The following FBXL7 variants were observed in gnomAD, a reference collection of about 807,000 sequenced individuals.
FBXL7 encodes F-box and leucine rich repeat protein 7.
FBXL7 carries 12 observed loss-of-function variants against 38.3 expected under a neutral mutation model. That is an observed-to-expected ratio of 0.31 (90% CI 0.20 to 0.51). The LOEUF (loss-of-function observed/expected upper bound fraction) is 0.51. Ranked by LOEUF, FBXL7 falls within the 20% of genes least tolerant of loss-of-function variation. FBXL7 has a pLI of 0.98. For synonymous variants in FBXL7, 297 were observed against 300.9 expected, an observed-to-expected ratio of 0.99 and a Z score of 0.13; for missense variants, 567 against 676.4, an observed-to-expected ratio of 0.84 and a Z score of 1.79.
At chr5:15,690,480 A>G (rs1342773412) in intron 2 of FBXL7, among the ~76,000 whole-genome samples, 1 of 152,218 alleles carries the variant, frequency 6.6e-6, no homozygotes, top group Non-Finnish European at 1.5e-5. Context: ...ACTTTGTATA[A>G]TGATCAAATC....
At chr5:15,529,111 C>T (rs1316416965) in intron 1 of FBXL7, among the ~76,000 whole-genome samples, 1 of 152,208 alleles carries the variant, frequency 6.6e-6, no homozygotes, top group Non-Finnish European at 1.5e-5. Flanking sequence ...CACCATTCTG[C>T]TCTCTACTTC....
intron 2 of FBXL7, among the ~76,000 whole-genome samples, chr5:15,777,834 C>G (rs1389616483): frequency 6.7e-6 from 1 of 149,280 alleles, no homozygotes; most frequent in Non-Finnish European, 1.5e-5. Flanking sequence ...TACATGTGAT[C>G]TAGGACAATA....
In FBXL7 at chr5:15,519,187, TAAA is replaced by T. The variant is rs915797662; in HGVS notation, c.37+18479_37+18481del. ...GGTGAAACCCTGTCTCTACTAAAAA[TAAA>T]AAAATTAGCTGGGTGTGGTGGCGTG... On this transcript the variant is annotated intron_variant, in intron 1 of 3. Transcript: ENST00000504595. Among the ~76,000 whole-genome samples, 3 of 151,758 alleles carry T rather than the reference TAAA, an allele frequency of 2.0e-5. No homozygotes were observed. The East Asian group carries it at 5.8e-4, about 30-fold the overall frequency.
At chr5:15,720,713 ACAT>A (rs1419214527) in intron 2 of FBXL7, among the ~76,000 whole-genome samples, 1 of 148,108 alleles carries the variant, frequency 6.8e-6, no homozygotes, top group Non-Finnish European at 1.5e-5. Flanking sequence ...TGTAACAATG[ACAT>A]CATCAGCTAC....
At chr5:15,658,172 C>G (rs368166008) in intron 2 of FBXL7, among the ~76,000 whole-genome samples, 2 of 152,280 alleles carry the variant, frequency 1.3e-5, no homozygotes, top group East Asian at 3.9e-4. Flanking sequence ...CAAGATGCAT[C>G]AGAGTAGGAA....
At chr5:15,679,465 A>G (rs1018038708) in intron 2 of FBXL7, among the ~76,000 whole-genome samples, 6 of 151,920 alleles carry the variant, frequency 3.9e-5, no homozygotes, top group Admixed American at 3.9e-4. Context: ...TGACTAAGTT[A>G]CATACCACAC....
At chr5:15,927,787 A>AAT in intron 2 of FBXL7, 103 bp from the exon 3 acceptor site, 2 of 751,930 alleles carry the variant, frequency 2.7e-6, no homozygotes, top group Non-Finnish European at 3.6e-6. Flanking sequence ...AAAAAAAAAA[A>AAT]GAAGAAGAAA....
chr5:15,518,840 T>C (rs982967037), intron 1 of FBXL7, among the ~76,000 whole-genome samples: 1 of 152,140 alleles, frequency 6.6e-6, no homozygotes, highest in African/African-American at 2.4e-5. Context: ...TTCATCTAAA[T>C]TGTTCATTCC....
At chr5:15,705,358 A>T (rs924318828) in intron 2 of FBXL7, among the ~76,000 whole-genome samples, 18 of 152,186 alleles carry the variant, frequency 1.2e-4, no homozygotes, top group African/African-American at 4.1e-4. Context: ...AGGGTAATCC[A>T]TACTCTCCTG....
At chr5:15,933,915 A>G (rs575943077) in intron 3 of FBXL7, among the ~76,000 whole-genome samples, 96 of 152,358 alleles carry the variant, frequency 6.3e-4, no homozygotes, top group African/African-American at 2.1e-3. Context: ...TGAAAAATAT[A>G]TATACAGCCT....
chr5:15,763,715 G>A (rs531211472), intron 2 of FBXL7, among the ~76,000 whole-genome samples: 1 of 152,244 alleles, frequency 6.6e-6, no homozygotes, highest in East Asian at 1.9e-4. Flanking sequence ...AACAAAATGC[G>A]TGATGTTCAA....
intron 2 of FBXL7, among the ~76,000 whole-genome samples, chr5:15,696,615 C>T (rs770164095): frequency 3.3e-5 from 5 of 152,292 alleles, no homozygotes; most frequent in African/African-American, 1.2e-4. Flanking sequence ...AAGTTTTCCT[C>T]ACTATTGGAG....
At chr5:15,892,191 TCCAACCAGAGGGTAGG>T (rs1441599194) in intron 2 of FBXL7, among the ~76,000 whole-genome samples, 1 of 152,010 alleles carries the variant, frequency 6.6e-6, no homozygotes, top group African/African-American at 2.4e-5. Flanking sequence ...AAGACAACAC[TCCAACCAGAGGGTAGG>T]TCCTGAGGGA....
intron 2 of FBXL7, among the ~76,000 whole-genome samples, chr5:15,872,127 A>G (rs1292398471): frequency 4.6e-5 from 7 of 152,222 alleles, no homozygotes; most frequent in Non-Finnish European, 1.0e-4. Flanking sequence ...AGTGGGGGAC[A>G]ATATTCAACA....
intron 2 of FBXL7, among the ~76,000 whole-genome samples, chr5:15,867,962 G>A (rs1251082060): frequency 1.3e-5 from 2 of 152,066 alleles, no homozygotes; most frequent in Admixed American, 1.3e-4. Context: ...AAATTAGCCG[G>A]GTGTGGTGGT....
intron 1 of FBXL7, among the ~76,000 whole-genome samples, chr5:15,597,589 T>C (rs570203424): frequency 1.4e-4 from 22 of 152,164 alleles, no homozygotes; most frequent in Non-Finnish European, 2.8e-4. Flanking sequence ...AACACAGTTT[T>C]ACAAGAAGGC....
At chr5:15,641,959 G>C (rs1741381174) in intron 2 of FBXL7, among the ~76,000 whole-genome samples, 1 of 151,176 alleles carries the variant, frequency 6.6e-6, no homozygotes, top group Non-Finnish European at 1.5e-5. Flanking sequence ...GTGTGTGTGT[G>C]TGTGTGTGTG....
At chr5:15,564,378 CTGTGTG>C (rs33993480) in intron 1 of FBXL7, among the ~76,000 whole-genome samples, 5,575 of 147,446 alleles carry the variant, frequency 0.038, 180 homozygotes, top group African/African-American at 0.085. Flanking sequence ...TCAGTAATAT[CTGTGTG>C]TGTGTGTGTG....
At chr5:15,594,472 G>A (rs1422251091) in intron 1 of FBXL7, among the ~76,000 whole-genome samples, 1 of 152,212 alleles carries the variant, frequency 6.6e-6, no homozygotes, top group East Asian at 1.9e-4. Context: ...AGTACCCATT[G>A]GCCTCTCACC....
Sources: allele counts gnomAD v4.1 joint callset (sites outside exome capture counted in the v4.1 genomes callset), GRCh38; gene constraint gnomAD v4.1.1; transcripts MANE v1.5; gene names NCBI Gene and HGNC (gene_info 2026-07-23, HGNC 2026-07-21).